GALNT10: variants seen among roughly 807,000 people sequenced by gnomAD.
GALNT10 encodes the protein polypeptide N-acetylgalactosaminyltransferase 10.
A neutral mutation model predicts 75.0 loss-of-function variants in GALNT10; 41 were observed. The observed-to-expected ratio is 0.55, with a 90% CI of 0.43 to 0.71. The LOEUF (loss-of-function observed/expected upper bound fraction) is 0.71. Ranked by LOEUF, GALNT10 falls within the 30% of genes least tolerant of loss-of-function variation. The pLI is 0.00. For synonymous variants in GALNT10, 302 were observed against 313.0 expected (o/e 0.96, Z 0.37); for missense variants, 727 against 818.5 (o/e 0.89, Z 1.36).
At chr5:154,229,314 C>T (rs796102382) in intron 1 of GALNT10, among the ~76,000 whole-genome samples, 19 of 152,338 alleles carry the variant, frequency 1.2e-4, no homozygotes, top group African/African-American at 4.3e-4. Flanking sequence ...CACTACACCA[C>T]ATCTAGAGTT....
intron 1 of GALNT10, among the ~76,000 whole-genome samples, chr5:154,292,556 C>T (rs189036946): frequency 5.9e-5 from 9 of 152,358 alleles, no homozygotes; most frequent in African/African-American, 1.7e-4. Context: ...TAGCCCCTAA[C>T]TGATCAACCT....
chr5:154,402,695 A>G lies in GALNT10; in HGVS notation c.1057-1409A>G, dbSNP rs1229660107. On this transcript the variant is annotated intron_variant, in intron 7 of 11. Transcript: ENST00000297107. The surrounding 1 kb of genome is among the most constrained non-coding windows in gnomAD (Gnocchi z 4.2). ...GTCATCTGCAGGCTTGACTGTGACCACGACCTCTGCTTCTTGGTGGCTCAC... is the reference window on the plus strand; with the variant it reads ...GTCATCTGCAGGCTTGACTGTGACCGCGACCTCTGCTTCTTGGTGGCTCAC... 6.6e-6 allele frequency: 1 copy of G among 152,088 alleles called. No homozygotes were observed. The highest frequency in any genetic ancestry group is 2.4e-5 in the African/African-American group (1 of 41,382). 9.4% of individuals were successfully genotyped at this position (152,088 alleles called of 1,614,324 possible).
chr5:154,243,457 A>C (rs1753370843), intron 1 of GALNT10, among the ~76,000 whole-genome samples: 1 of 152,222 alleles, frequency 6.6e-6, no homozygotes, highest in Non-Finnish European at 1.5e-5. Flanking sequence ...CCTTTTGGGG[A>C]GAATTTAACC....
intron 1 of GALNT10, among the ~76,000 whole-genome samples, chr5:154,258,439 C>T (rs1026551514): frequency 4.6e-5 from 7 of 152,180 alleles, no homozygotes; most frequent in Non-Finnish European, 7.4e-5. Flanking sequence ...AATCAGTAGA[C>T]TTGGCAAGAC....
chr5:154,299,643 TACA>T (rs1400856622), intron 3 of GALNT10, among the ~76,000 whole-genome samples: 2 of 152,238 alleles, frequency 1.3e-5, no homozygotes, highest in Non-Finnish European at 2.9e-5. Flanking sequence ...CTTTAGTTCC[TACA>T]ACAATACTTT....
intron 4 of GALNT10, among the ~76,000 whole-genome samples, chr5:154,342,848 A>C (rs1247408037): frequency 6.6e-6 from 1 of 152,228 alleles, no homozygotes; most frequent in Non-Finnish European, 1.5e-5. Flanking sequence ...AAACAGTCAT[A>C]TATTCCAATT....
rs1319830592 is a variant in GALNT10, at chr5:154,352,827, G to T, written c.568+23089G>T. Among the ~76,000 whole-genome samples, 1 of 152,164 alleles carries T rather than the reference G, an allele frequency of 6.6e-6. No homozygotes were observed. The highest frequency in any genetic ancestry group is 2.1e-4 in the South Asian group (1 of 4,824). On this transcript the variant is annotated intron_variant, in intron 4 of 11. Coordinates refer to ENST00000297107, the MANE Select transcript of GALNT10 (RefSeq NM_198321.4). This position sits in a 1 kb window ranked among gnomAD's most constrained non-coding sequence, Gnocchi z 4.4. ...GTTTAAGAAACCTTGACCACCCCGC[G>T]GTCTTGCATCGGGACATGGCTATGG...
At chr5:154,368,635 C>T (rs556673579) in intron 4 of GALNT10, among the ~76,000 whole-genome samples, 2 of 152,312 alleles carry the variant, frequency 1.3e-5, no homozygotes, top group South Asian at 4.1e-4. Flanking sequence ...AAAATTCCTC[C>T]TGGGGCTCTG....
intron 1 of GALNT10, among the ~76,000 whole-genome samples, chr5:154,238,972 T>C (rs1209474170): frequency 6.6e-6 from 1 of 152,086 alleles, no homozygotes; most frequent in Non-Finnish European, 1.5e-5. Context: ...GGAAGCCGAG[T>C]CTCAGGGAGG....
intron 1 of GALNT10, among the ~76,000 whole-genome samples, chr5:154,215,749 G>A (rs1752860776): frequency 6.6e-6 from 1 of 152,180 alleles, no homozygotes; most frequent in Non-Finnish European, 1.5e-5. Context: ...GCTGCTGCAG[G>A]TATGTTAGCC....
rs577381846 is a variant in GALNT10, at chr5:154,330,018, T to C, written c.568+280T>C. 6.0e-4 allele frequency: 164 copies of C among 271,398 alleles called. 3 individuals are homozygous for C. In the South Asian group the frequency reaches 0.017, roughly 28 times the overall value. The allele number at this position is 271,398 out of a possible 1,614,324, so 16.8% of individuals were successfully genotyped here. A position where few individuals can be genotyped will look rare whatever the true frequency, so the allele number is the denominator to read the frequency against. On this transcript the variant is annotated intron_variant, in intron 4 of 11. Transcript: ENST00000297107. ...ACAATAACTCAAACAAGTGTAAGGA[T>C]TCATTCACTTATCTGTCTCTATCTA...
chr5:154,410,816 C>T (rs1756384297), intron 9 of GALNT10, among the ~76,000 whole-genome samples: 1 of 152,244 alleles, frequency 6.6e-6, no homozygotes, highest in South Asian at 2.1e-4. Flanking sequence ...GAACAGCGTG[C>T]TTCTCTGCTC....
intron 1 of GALNT10, among the ~76,000 whole-genome samples, chr5:154,249,734 A>G (rs1753486122): frequency 6.6e-6 from 1 of 152,170 alleles, no homozygotes; most frequent in Non-Finnish European, 1.5e-5. Flanking sequence ...CCAGTTTGAG[A>G]GACAAAACTT....
At chr5:154,252,908 T>C (rs1753545821) in intron 1 of GALNT10, among the ~76,000 whole-genome samples, 1 of 151,816 alleles carries the variant, frequency 6.6e-6, no homozygotes, top group South Asian at 2.1e-4. Flanking sequence ...CCTCTTTTTT[T>C]CCCCATTTCA....
At chr5:154,339,672 A>G (rs12655400) in intron 4 of GALNT10, among the ~76,000 whole-genome samples, 62,499 of 152,086 alleles carry the variant, frequency 0.41, 15,261 homozygotes, top group East Asian at 0.62. Flanking sequence ...GCTGCATTAT[A>G]TTTTCAGAAA....
At chr5:154,274,903 C>G (rs912095375) in intron 1 of GALNT10, among the ~76,000 whole-genome samples, 1 of 152,188 alleles carries the variant, frequency 6.6e-6, no homozygotes, top group Non-Finnish European at 1.5e-5. Flanking sequence ...ATGCACTCGC[C>G]TCTCCCCCAG....
intron 4 of GALNT10, among the ~76,000 whole-genome samples, chr5:154,356,989 C>T (rs1755306258): frequency 6.6e-6 from 1 of 152,172 alleles, no homozygotes; most frequent in African/African-American, 2.4e-5. Flanking sequence ...AGTGAAAATT[C>T]ACAATTAAAA....
At chr5:154,318,547 C>G (rs1754631066) in intron 3 of GALNT10, among the ~76,000 whole-genome samples, 1 of 152,116 alleles carries the variant, frequency 6.6e-6, no homozygotes, top group African/African-American at 2.4e-5. Context: ...TTGTTTCTTC[C>G]TCTTTGTAAT....
Position 154,376,509 on chromosome 5 carries a change from AGTGCCAGTG to A in GALNT10, c.754+49_754+57del, listed in dbSNP as rs1755653889. 1 of 1,404,684 alleles carries A rather than the reference AGTGCCAGTG, an allele frequency of 7.1e-7. No individual in the cohort carries two copies. Among genetic ancestry groups the A allele is most frequent in the Non-Finnish European group, 9.7e-7 (1 of 1,032,172 alleles). The allele number at this position is 1,404,684 out of a possible 1,614,324, so 87.0% of individuals were successfully genotyped here. A position where few individuals can be genotyped will look rare whatever the true frequency, so the allele number is the denominator to read the frequency against. ...GGAGGGAGGCAAACTGCAATGAGCC[AGTGCCAGTG>A]GCCCCCTCCTGCTGCAGGGAGCCAT... On this transcript the variant is annotated intron_variant, in intron 5 of 11. Transcript: ENST00000297107. This position sits in a 1 kb window ranked among gnomAD's most constrained non-coding sequence, Gnocchi z 4.1.
Sources: allele counts gnomAD v4.1 joint callset (sites outside exome capture counted in the v4.1 genomes callset), GRCh38; gene constraint gnomAD v4.1.1; non-coding constraint Gnocchi (gnomAD v3.1); transcripts MANE v1.5; gene names NCBI Gene and HGNC (gene_info 2026-07-23, HGNC 2026-07-21).